KCNQ3: variants seen among roughly 807,000 people sequenced by gnomAD.
The protein encoded by KCNQ3 is potassium voltage-gated channel subfamily Q member 3, also known as potassium voltage-gated channel subfamily KQT member 3.
A neutral mutation model predicts 92.5 loss-of-function variants in KCNQ3; 30 were observed. That is an observed-to-expected ratio of 0.32 (90% confidence interval 0.24 to 0.44). KCNQ3 has a LOEUF of 0.44. Among genes scored for constraint, KCNQ3 ranks in the 20% least tolerant of loss-of-function variants. KCNQ3 has a pLI of 1.00. For missense variants in KCNQ3, 913 were observed against 1,140.3 expected, an observed-to-expected ratio of 0.80 and a Z score of 2.87; for synonymous variants, 450 against 468.8, an observed-to-expected ratio of 0.96 and a Z score of 0.52.
At chr8:132,232,863 A>C (rs1248609247) in intron 1 of KCNQ3, among the ~76,000 whole-genome samples, 2 of 152,176 alleles carry the variant, frequency 1.3e-5, no homozygotes, top group Non-Finnish European at 2.9e-5. Context: ...GTTTTTCCTC[A>C]TAAAAAGGTC....
intron 1 of KCNQ3, among the ~76,000 whole-genome samples, chr8:132,307,707 T>TATTCCCCA (rs1817469122): frequency 6.6e-6 from 1 of 152,186 alleles, no homozygotes; most frequent in Non-Finnish European, 1.5e-5. Context: ...AGGCATGAAC[T>TATTCCCCA]ATTCCCCAAC....
chr8:132,135,104 T>C (rs971645821), intron 12 of KCNQ3, among the ~76,000 whole-genome samples: 4 of 152,192 alleles, frequency 2.6e-5, no homozygotes, highest in African/African-American at 9.7e-5. Context: ...CCAGAACCTG[T>C]TGTTTCCTTC....
intron 1 of KCNQ3, among the ~76,000 whole-genome samples, chr8:132,307,345 C>A (rs1817457501): frequency 6.6e-6 from 1 of 152,140 alleles, no homozygotes; most frequent in South Asian, 2.1e-4. Context: ...ACTACATACG[C>A]CCCTTAGGTT....
At chr8:132,192,239 G>A (rs1054175346) in intron 1 of KCNQ3, among the ~76,000 whole-genome samples, 1 of 152,170 alleles carries the variant, frequency 6.6e-6, no homozygotes, top group African/African-American at 2.4e-5. Context: ...CGCTTCTCAC[G>A]CCTCACCAGC....
chr8:132,345,585 AG>A (rs1818662807), intron 1 of KCNQ3, among the ~76,000 whole-genome samples: 1 of 152,380 alleles, frequency 6.6e-6, no homozygotes, highest in African/African-American at 2.4e-5. Flanking sequence ...CATACTTTGG[AG>A]GAAGGCAACA....
intron 7 of KCNQ3, 25 bp downstream of exon 7, chr8:132,172,573 C>G (rs1405123365): frequency 1.3e-6 from 2 of 1,592,150 alleles, no homozygotes; most frequent in Non-Finnish European, 1.7e-6. Flanking sequence ...TAATCCCATT[C>G]CAGTTCATTC....
At chr8:132,457,114 G>A (rs1046032327) in intron 1 of KCNQ3, among the ~76,000 whole-genome samples, 4 of 152,218 alleles carry the variant, frequency 2.6e-5, no homozygotes, top group African/African-American at 7.2e-5. Flanking sequence ...CTCAAACAAG[G>A]GTGCCAACAC....
intron 1 of KCNQ3, among the ~76,000 whole-genome samples, chr8:132,406,256 C>A (rs1273186015): frequency 6.6e-6 from 1 of 152,074 alleles, no homozygotes; most frequent in Non-Finnish European, 1.5e-5. Flanking sequence ...TTTGCTGGAT[C>A]AAGCGGGGCT....
chr8:132,211,931 T>C (rs1813872176), intron 1 of KCNQ3, among the ~76,000 whole-genome samples: 1 of 137,522 alleles, frequency 7.3e-6, no homozygotes, highest in Admixed American at 8.0e-5. Context: ...CCAGCCTGAG[T>C]GACAGTGCTA....
chr8:132,213,813 T>C (rs918496663), intron 1 of KCNQ3, among the ~76,000 whole-genome samples: 11 of 152,184 alleles, frequency 7.2e-5, no homozygotes, highest in East Asian at 3.8e-4. Flanking sequence ...GGGGCTCTAA[T>C]GGGAACTGAG....
chr8:132,388,910 G>A (rs1474641123), intron 1 of KCNQ3, among the ~76,000 whole-genome samples: 2 of 152,104 alleles, frequency 1.3e-5, no homozygotes, highest in Non-Finnish European at 2.9e-5. Context: ...GGAGTATAGT[G>A]GGAAACTTAA....
chr8:132,281,642 T>C (rs992446978), intron 1 of KCNQ3, among the ~76,000 whole-genome samples: 1 of 152,020 alleles, frequency 6.6e-6, no homozygotes, highest in Non-Finnish European at 1.5e-5. Context: ...TGGACAACTA[T>C]AACAATCTCC....
At chr8:132,480,029 C>T (rs1382697704) in intron 1 of KCNQ3, 118 bp downstream of exon 1, 71 of 978,282 alleles carry the variant, frequency 7.3e-5, no homozygotes, top group Non-Finnish European at 1.0e-4. Flanking sequence ...GCTGGTCTCC[C>T]CTTCAGCGGG....
chr8:132,193,747 T>C (rs1033830729), intron 1 of KCNQ3, among the ~76,000 whole-genome samples: 3 of 152,212 alleles, frequency 2.0e-5, no homozygotes, highest in Admixed American at 2.0e-4. Context: ...TCATTTTATT[T>C]GTATCCCCAT....
chr8:132,250,628 A>G (rs1236995166), intron 1 of KCNQ3, among the ~76,000 whole-genome samples: 3 of 152,124 alleles, frequency 2.0e-5, no homozygotes, highest in Non-Finnish European at 4.4e-5. Context: ...TATAAAAACA[A>G]TCTCTCAGGA....
At chr8:132,399,939 G>A (rs540649984) in intron 1 of KCNQ3, among the ~76,000 whole-genome samples, 1 of 152,250 alleles carries the variant, frequency 6.6e-6, no homozygotes, top group South Asian at 2.1e-4. Context: ...TGAGCTAATT[G>A]GATGATCTTT....
intron 1 of KCNQ3, chr8:132,186,497 CA>C: frequency 2.6e-6 from 1 of 378,318 alleles, no homozygotes; most frequent in Non-Finnish European, 5.1e-6. Flanking sequence ...GCTGAAAGTC[CA>C]AAAGTCAAGA....
intron 1 of KCNQ3, among the ~76,000 whole-genome samples, chr8:132,369,580 C>CA (rs1819416529): frequency 8.8e-6 from 1 of 113,730 alleles, no homozygotes; most frequent in African/African-American, 2.7e-5. Context: ...ACAGCACACA[C>CA]ACACACACAC....
rs561302130 is a variant in KCNQ3 at position 132,143,922 on chromosome 8, T to C, written c.1263-2591A>G. On this transcript the variant is annotated intron_variant, in intron 9 of 14. Transcript: ENST00000388996. ...AGTTTAAAAAGTTCAACATTGTCAT[T>C]CTACTCCACTTCCGTATGAGATAAG... Among the ~76,000 whole-genome samples the C allele has an allele frequency of 1.3e-4, 20 of 152,374 alleles. 1 individual carries two copies. In the South Asian group the frequency reaches 2.3e-3, roughly 17 times the overall value.
Sources: allele counts gnomAD v4.1 joint callset (sites outside exome capture counted in the v4.1 genomes callset), GRCh38; gene constraint gnomAD v4.1.1; transcripts MANE v1.5; gene names NCBI Gene and HGNC (gene_info 2026-07-23, HGNC 2026-07-21).